SETX: variants seen among roughly 807,000 people sequenced by gnomAD.
SETX encodes senataxin.
A neutral mutation model predicts 227.2 loss-of-function variants in SETX; 90 were observed. The ratio of observed to expected loss-of-function variants is 0.40; its 90% CI spans 0.33 to 0.47. SETX has a LOEUF of 0.47. SETX is among the 20% of genes least tolerant of loss of function. The pLI is 0.91. For synonymous variants in SETX, 1,210 were observed against 1,113.2 expected (o/e 1.09, Z -1.73); for missense variants, 3,052 against 3,181.5 (o/e 0.96, Z 0.98).
intron 2 of SETX, among the ~76,000 whole-genome samples, chr9:132,350,510 C>T (rs571586301): frequency 1.3e-5 from 2 of 152,260 alleles, no homozygotes; most frequent in African/African-American, 4.8e-5. Context: ...CTAGGCTTGG[C>T]TGCTGAGGCT....
rs1200767437 is a variant in SETX at position 132,343,379 on chromosome 9, T to C, written c.389-580A>G. Among the ~76,000 whole-genome samples the C allele has an allele frequency of 2.0e-5, 3 of 152,088 alleles. No individual in the cohort carries two copies. In the East Asian group the frequency reaches 5.8e-4, roughly 29 times the overall value. ...TTCACACTTAGGATAATTATCTCCA[T>C]AGGGAATGTATAAAGGACCTGTAAC... is the stretch of plus-strand genomic sequence containing the variant. On this transcript the variant is annotated intron_variant, in intron 4 of 25. Transcript: ENST00000224140.
Position 132,265,810 on chromosome 9 carries a change from G to A in SETX, c.7288-825C>T, listed in dbSNP as rs55694972. Among the ~76,000 whole-genome samples, 88 of 152,158 alleles carry A rather than the reference G, an allele frequency of 5.8e-4. 1 individual carries two copies. The highest frequency in any genetic ancestry group is 2.0e-3 in the African/African-American group (84 of 41,518). On this transcript the variant is annotated intron_variant, in intron 25 of 25. Coordinates refer to ENST00000224140, the MANE Select transcript of SETX (RefSeq NM_015046.7). ...CAGGGCTAACGTTCTGAAACAGGAA[G>A]GTCTGGTTTCAGAAAGCAAACTTCT...
intron 3 of SETX, 103 bp from the exon 4 acceptor site, chr9:132,346,574 A>C: frequency 1.2e-6 from 1 of 808,046 alleles, no homozygotes; most frequent in Non-Finnish European, 2.0e-6. Flanking sequence ...AAAAATTCTG[A>C]AATGTAAAGT....
rs752950104 is a variant in SETX, at chr9:132,262,223, C to T, written c.*2016G>A. 1.1e-4 allele frequency: 17 copies of T among 152,062 alleles called. No individual in the cohort carries two copies. The highest frequency in any genetic ancestry group is 3.3e-4 in the Admixed American group (5 of 15,256). 9.4% of individuals were successfully genotyped at this position (152,062 alleles called of 1,614,324 possible). A position where few individuals can be genotyped will look rare whatever the true frequency, so the allele number is the denominator to read the frequency against. ...GGAAATAATATTGTTCAGTGTGTGGCGGCAAAATATGCATTTTAGAGAAAA... is the reference window on the plus strand; with the variant it reads ...GGAAATAATATTGTTCAGTGTGTGGTGGCAAAATATGCATTTTAGAGAAAA... On this transcript the variant is annotated 3_prime_UTR_variant, in exon 26 of 26. Transcript: ENST00000224140.
chr9:132,296,333 A>C (rs1467901873), intron 14 of SETX, among the ~76,000 whole-genome samples: 1 of 152,156 alleles, frequency 6.6e-6, no homozygotes, highest in East Asian at 1.9e-4. Context: ...CGGGCGGATC[A>C]CTTGAGGTCA....
At chr9:132,319,366 T>C (rs1044668274) in intron 10 of SETX, among the ~76,000 whole-genome samples, 3 of 152,200 alleles carry the variant, frequency 2.0e-5, no homozygotes, top group African/African-American at 7.2e-5. Context: ...CTGGTTACTA[T>C]TACTATTCCC....
At chr9:132,343,383 G>A (rs1015466307) in intron 4 of SETX, among the ~76,000 whole-genome samples, 2 of 152,040 alleles carry the variant, frequency 1.3e-5, no homozygotes. Flanking sequence ...TCTCCATAGG[G>A]AATGTATAAA....
At chr9:132,325,588 C>T (rs1183767) in intron 10 of SETX, among the ~76,000 whole-genome samples, 2 of 152,094 alleles carry the variant, frequency 1.3e-5, no homozygotes, top group African/African-American at 4.8e-5. Context: ...GTTACCTCTG[C>T]ACTTGGTATA....
intron 11 of SETX, among the ~76,000 whole-genome samples, chr9:132,305,888 T>C (rs951371966): frequency 1.3e-5 from 2 of 152,208 alleles, no homozygotes; most frequent in African/African-American, 4.8e-5. Flanking sequence ...GCTCTTAGTC[T>C]ACACCAACAT....
At chr9:132,339,890 C>T (rs551350216) in intron 5 of SETX, among the ~76,000 whole-genome samples, 1 of 152,302 alleles carries the variant, frequency 6.6e-6, no homozygotes, top group South Asian at 2.1e-4. Flanking sequence ...GCTGGGATTA[C>T]AGGAATGAGT....
intron 23 of SETX, among the ~76,000 whole-genome samples, chr9:132,272,904 T>C: frequency 6.6e-6 from 1 of 152,134 alleles, no homozygotes; most frequent in East Asian, 1.9e-4. Flanking sequence ...CCCAAATTGA[T>C]CTACAGATGT....
chr9:132,296,319 G>A (rs1048867527), intron 14 of SETX, among the ~76,000 whole-genome samples: 8 of 152,138 alleles, frequency 5.3e-5, no homozygotes, highest in Admixed American at 2.6e-4. Flanking sequence ...TCGGGAGGCC[G>A]AGGCGGGCGG....
chr9:132,349,590 C>T (rs1331449366), intron 2 of SETX, among the ~76,000 whole-genome samples, 155 bp from the exon 3 acceptor site: 1 of 152,138 alleles, frequency 6.6e-6, no homozygotes, highest in African/African-American at 2.4e-5. Context: ...ATCACTGATT[C>T]ACTAAACTAA....
At chr9:132,290,139 G>A (rs1844202600) in intron 15 of SETX, among the ~76,000 whole-genome samples, 1 of 152,216 alleles carries the variant, frequency 6.6e-6, no homozygotes, top group Non-Finnish European at 1.5e-5. Flanking sequence ...AACCCAGGAG[G>A]TGGAAGTTGC....
At chr9:132,301,884 A>G (rs536216063) in intron 11 of SETX, among the ~76,000 whole-genome samples, 1 of 152,388 alleles carries the variant, frequency 6.6e-6, no homozygotes, top group East Asian at 1.9e-4. Flanking sequence ...AATAAAGTTC[A>G]GTACCAACTG....
At position 132,297,050 on chromosome 9, in the gene SETX, G is replaced by C; in HGVS notation, c.5786C>G (p.Ala1929Gly). 6.2e-7 allele frequency: 1 copy of C among 1,609,960 alleles called. No individual in the cohort carries two copies. Among genetic ancestry groups the C allele is most frequent in the South Asian group, 1.1e-5 (1 of 90,762 alleles). The change falls in exon 14 of 26, where the codon GCG (alanine) becomes GGG (glycine). Residue 1929 changes from alanine to glycine, a missense_variant. Ala to Gly is a moderately conservative substitution (Grantham distance 60). This residue lies in a region of SETX where 239 missense variants were observed against 272.1 expected (regional missense o/e 0.88). Coordinates refer to ENST00000224140, the MANE Select transcript of SETX (RefSeq NM_015046.7). The stretch of plus-strand genomic sequence containing the variant: ...ATCTTCATTGAAATCTCTTAAGTAC[G>C]CAATCTATATAAAAAACACATTTTT... ...LLTTTSERII[A>G]YLRDFNEDQK...
intron 4 of SETX, among the ~76,000 whole-genome samples, chr9:132,344,085 G>A (rs962032374): frequency 9.2e-5 from 14 of 152,122 alleles, no homozygotes; most frequent in South Asian, 4.1e-4. Flanking sequence ...AGAAATCAGC[G>A]TATACCTAAA....
chr9:132,318,661 C>T (rs1352785321), intron 10 of SETX, among the ~76,000 whole-genome samples: 1 of 152,216 alleles, frequency 6.6e-6, no homozygotes, highest in South Asian at 2.1e-4. Context: ...AACAAGTGAA[C>T]TTTCAAGAAC....
At chr9:132,336,236 G>C in intron 6 of SETX, 60 bp downstream of exon 6, 2 of 1,416,914 alleles carry the variant, frequency 1.4e-6, no homozygotes, top group Admixed American at 3.4e-5. Context: ...GAGTGAGACT[G>C]TCTCAAAAAA....
Sources: allele counts gnomAD v4.1 joint callset (sites outside exome capture counted in the v4.1 genomes callset), GRCh38; gene constraint gnomAD v4.1.1; regional missense constraint gnomAD v4.1.1; transcripts MANE v1.5; gene names NCBI Gene and HGNC (gene_info 2026-07-23, HGNC 2026-07-21).